The following CLSTN2 variants were observed in gnomAD, a reference collection of about 807,000 sequenced individuals.
The protein encoded by CLSTN2 is calsyntenin 2, also known as calsyntenin-2.
CLSTN2 carries 48 observed loss-of-function variants against 101.2 expected under a neutral mutation model. The ratio of observed to expected loss-of-function variants is 0.47; its 90% CI spans 0.38 to 0.60. CLSTN2 has a LOEUF of 0.60. Among genes scored for constraint, CLSTN2 ranks in the 20% least tolerant of loss-of-function variants. The pLI, the probability that CLSTN2 is intolerant of heterozygous loss-of-function variation, is 0.00. For missense variants in CLSTN2, 1,160 were observed against 1,238.2 expected, an observed-to-expected ratio of 0.94 and a Z score of 0.95; for synonymous variants, 481 against 463.6, an observed-to-expected ratio of 1.04 and a Z score of -0.48.
intron 8 of CLSTN2, among the ~76,000 whole-genome samples, chr3:140,496,798 G>C (rs965835799): frequency 6.6e-6 from 1 of 152,048 alleles, no homozygotes; most frequent in Non-Finnish European, 1.5e-5. Flanking sequence ...ACAGGATCAC[G>C]GACCTACTTA....
intron 1 of CLSTN2, among the ~76,000 whole-genome samples, chr3:139,991,975 T>A (rs1475832649): frequency 6.6e-6 from 1 of 152,216 alleles, no homozygotes; most frequent in Non-Finnish European, 1.5e-5. Flanking sequence ...AGTCTTATAA[T>A]TGAGACCCAT....
intron 2 of CLSTN2, among the ~76,000 whole-genome samples, chr3:140,387,742 C>T (rs920369638): frequency 6.6e-6 from 1 of 152,198 alleles, no homozygotes; most frequent in Non-Finnish European, 1.5e-5. Flanking sequence ...ATATTTAGCA[C>T]TTTATGGAGT....
chr3:140,397,566 C>G (rs547149312), intron 2 of CLSTN2, among the ~76,000 whole-genome samples: 1 of 152,122 alleles, frequency 6.6e-6, no homozygotes, highest in South Asian at 2.1e-4. Context: ...GCACTGACAC[C>G]TTCAGTGTCT....
At position 140,381,226 on chromosome 3, in the gene CLSTN2, C is replaced by G. The variant is rs2087978635; in HGVS notation, c.233-22403C>G. Among the ~76,000 whole-genome samples, 4 of 152,210 alleles carry G rather than the reference C, an allele frequency of 2.6e-5. No homozygotes were observed. The South Asian group carries it at 6.2e-4, about 24-fold the overall frequency. Reference sequence around the variant, plus strand: ...GTTTTCACATCATCTTCCTAATGGTCATGTCTGTCTCTGTGTCCAAATTTC... The same window carrying G: ...GTTTTCACATCATCTTCCTAATGGTGATGTCTGTCTCTGTGTCCAAATTTC... On this transcript the variant is annotated intron_variant, in intron 2 of 16. Transcript: ENST00000458420.
At position 139,935,403 on chromosome 3, in the gene CLSTN2, C is replaced by A. The variant is rs539426386; in HGVS notation, c.29C>A (p.Pro10Gln). The A allele has an allele frequency of 4.1e-6, 5 of 1,230,386 alleles. No homozygotes were observed. The highest frequency in any genetic ancestry group is 5.1e-6 in the Non-Finnish European group (5 of 986,934). The allele number at this position is 1,230,386 out of a possible 1,614,324, so 76.2% of individuals were successfully genotyped here. The change falls in exon 1 of 17, where the codon CCG becomes CAG. Residue 10 changes from proline to glutamine, a missense_variant. By Grantham distance (76) the Pro-to-Gln change is moderately conservative. Coordinates refer to ENST00000458420, the MANE Select transcript of CLSTN2 (RefSeq NM_022131.3). The surrounding 1 kb of genome is among the most constrained non-coding windows in gnomAD (Gnocchi z 5.5). The stretch of plus-strand genomic sequence containing the variant: ...CTGCCTGGGCGGCTGTGCTGGGTGC[C>A]GCTCCTGCTGGCGCTGGGCGTGGGG... Reference protein sequence around the residue: MLPGRLCWVPLLLALGVGSG... With the variant: MLPGRLCWVQLLLALGVGSG...
In CLSTN2 at chr3:140,566,664, G is replaced by A; in HGVS notation, c.*411G>A. On this transcript the variant is annotated 3_prime_UTR_variant, in exon 17 of 17. Transcript: ENST00000458420. ...TGCGTCTCCTCCACACAGACCAGTA[G>A]GTTCTCCTATGCTGACTCCAGGTTG... 4.6e-6 allele frequency: 1 copy of A among 219,474 alleles called. No homozygotes were observed. Among genetic ancestry groups the A allele is most frequent in the East Asian group, 9.2e-5 (1 of 10,870 alleles). The allele number at this position is 219,474 out of a possible 1,614,324, so 13.6% of individuals were successfully genotyped here.
intron 1 of CLSTN2, among the ~76,000 whole-genome samples, chr3:140,012,462 T>C (rs1262449503): frequency 6.6e-6 from 1 of 152,178 alleles, no homozygotes; most frequent in Non-Finnish European, 1.5e-5. Context: ...CCTTCGACTC[T>C]TAGCCTGTGT....
chr3:140,100,229 C>A (rs892197246), intron 1 of CLSTN2, among the ~76,000 whole-genome samples: 3 of 151,676 alleles, frequency 2.0e-5, no homozygotes, highest in African/African-American at 7.3e-5. Context: ...CTGATGACTC[C>A]CCTCATCTAT....
At chr3:140,261,530 T>C (rs2086654147) in intron 2 of CLSTN2, among the ~76,000 whole-genome samples, 1 of 152,134 alleles carries the variant, frequency 6.6e-6, no homozygotes, top group African/African-American at 2.4e-5. Context: ...AAACTGCTTC[T>C]CCAAGGAGCC....
intron 10 of CLSTN2, among the ~76,000 whole-genome samples, chr3:140,551,008 C>A (rs1935690261): frequency 6.6e-6 from 1 of 152,006 alleles, no homozygotes; most frequent in South Asian, 2.1e-4. Flanking sequence ...TTCATTATCC[C>A]TACTTCTCAC....
At chr3:140,458,033 A>C (rs1403968591) in intron 6 of CLSTN2, among the ~76,000 whole-genome samples, 1 of 152,212 alleles carries the variant, frequency 6.6e-6, no homozygotes, top group African/African-American at 2.4e-5. Flanking sequence ...TTGCTACCCA[A>C]TGGATATAGA....
intron 1 of CLSTN2, among the ~76,000 whole-genome samples, chr3:139,951,305 G>T (rs1443512995): frequency 6.6e-6 from 1 of 152,122 alleles, no homozygotes; most frequent in Non-Finnish European, 1.5e-5. Context: ...CAGTAAATAG[G>T]TCTTTCTAAA....
At chr3:140,351,835 A>G (rs926602122) in intron 2 of CLSTN2, among the ~76,000 whole-genome samples, 19 of 152,008 alleles carry the variant, frequency 1.2e-4, no homozygotes, top group Non-Finnish European at 2.6e-4. Context: ...TGAAACAGCA[A>G]GTGCAAAGGC....
intron 2 of CLSTN2, among the ~76,000 whole-genome samples, chr3:140,352,033 A>T (rs569215921): frequency 6.6e-6 from 1 of 152,322 alleles, no homozygotes; most frequent in East Asian, 1.9e-4. Context: ...AGAAAATGAG[A>T]CAGACCTGGT....
intron 1 of CLSTN2, among the ~76,000 whole-genome samples, chr3:140,106,187 C>T (rs2009055734): frequency 6.6e-6 from 1 of 152,150 alleles, no homozygotes; most frequent in African/African-American, 2.4e-5. Flanking sequence ...TAACAGATTC[C>T]CTGAGTAACA....
At chr3:140,243,462 A>G (rs1365793575) in intron 2 of CLSTN2, among the ~76,000 whole-genome samples, 2 of 152,206 alleles carry the variant, frequency 1.3e-5, no homozygotes, top group Non-Finnish European at 2.9e-5. Context: ...TAGTAAATGA[A>G]TGCAAGTTTG....
At chr3:140,307,885 GT>G (rs2087130295) in intron 2 of CLSTN2, among the ~76,000 whole-genome samples, 1 of 152,166 alleles carries the variant, frequency 6.6e-6, no homozygotes, top group Non-Finnish European at 1.5e-5. Context: ...TCATTTAAAT[GT>G]TTACATTTAA....
rs757582922 is a variant in CLSTN2 at position 140,566,045 on chromosome 3, A to T, written c.2668-8A>T. 1.9e-6 allele frequency: 3 copies of T among 1,614,044 alleles called. No individual in the cohort carries two copies. The East Asian group carries it at 6.7e-5, about 36-fold the overall frequency. On this transcript the variant is annotated splice_polypyrimidine_tract_variant and splice_region_variant and intron_variant, in intron 16 of 16. Coordinates refer to ENST00000458420, the MANE Select transcript of CLSTN2 (RefSeq NM_022131.3). ...GATGAGCATTTGCTTTTTCTCCTTG[A>T]TATCCAGAAACATGAAGGACCAGGG...
At chr3:140,451,208 C>G (rs1391556467) in intron 6 of CLSTN2, among the ~76,000 whole-genome samples, 2 of 152,140 alleles carry the variant, frequency 1.3e-5, no homozygotes, top group Non-Finnish European at 1.5e-5. Context: ...CAGATGGGCC[C>G]AAGGGCATGC....
Sources: gnomAD v4.1 joint callset for allele counts (sites outside exome capture counted in the v4.1 genomes callset) on GRCh38, gnomAD v4.1.1 for gene constraint, Gnocchi (gnomAD v3.1) non-coding constraint, MANE v1.5 for transcripts, NCBI Gene and HGNC (gene_info 2026-07-23, HGNC 2026-07-21) for gene names.